INPP4B: variants seen among roughly 807,000 people sequenced by gnomAD.
INPP4B encodes inositol polyphosphate 4-phosphatase type II.
A neutral mutation model predicts 122.5 loss-of-function variants in INPP4B; 55 were observed. The observed-to-expected ratio is 0.45, with a 90% CI of 0.36 to 0.56. The LOEUF (loss-of-function observed/expected upper bound fraction) is 0.56. INPP4B is among the 20% of genes least tolerant of loss of function. INPP4B has a pLI of 0.00. For missense variants in INPP4B, 1,000 were observed against 1,097.7 expected (o/e 0.91, Z 1.26); for synonymous variants, 403 against 388.7 (o/e 1.04, Z -0.43).
At chr4:142,669,249 A>T (rs1756634169) in intron 2 of INPP4B, among the ~76,000 whole-genome samples, 1 of 152,174 alleles carries the variant, frequency 6.6e-6, no homozygotes, top group Admixed American at 6.6e-5. Flanking sequence ...TACCCAAAAG[A>T]TCTACAGATT....
At chr4:142,585,659 C>G (rs1736000902) in intron 2 of INPP4B, among the ~76,000 whole-genome samples, 1 of 152,054 alleles carries the variant, frequency 6.6e-6, no homozygotes, top group Non-Finnish European at 1.5e-5. Context: ...GGAAAAGTTC[C>G]AGAAAGCTGC....
intron 7 of INPP4B, among the ~76,000 whole-genome samples, chr4:142,317,801 A>G (rs1180455466): frequency 6.6e-6 from 1 of 152,206 alleles, no homozygotes; most frequent in Admixed American, 6.5e-5. Context: ...ACAAACAAAC[A>G]TAAACCAGAG....
chr4:142,345,584 G>A (rs1780040559), intron 7 of INPP4B, among the ~76,000 whole-genome samples: 1 of 151,952 alleles, frequency 6.6e-6, no homozygotes, highest in African/African-American at 2.4e-5. Flanking sequence ...CATACTTGGT[G>A]GGAAACCAAA....
intron 2 of INPP4B, among the ~76,000 whole-genome samples, chr4:142,710,167 C>T (rs971651340): frequency 1.7e-4 from 26 of 152,292 alleles, no homozygotes; most frequent in Middle Eastern, 3.4e-3. Flanking sequence ...AGTAGGGAAA[C>T]TTGCCCATAT....
chr4:142,558,794 A>G (rs1166795690), intron 2 of INPP4B, among the ~76,000 whole-genome samples: 1 of 2,842 alleles, frequency 3.5e-4, no homozygotes, highest in African/African-American at 1.2e-3. Context: ...GACTCCCTCT[A>G]AAAAAAAAAA....
intron 2 of INPP4B, among the ~76,000 whole-genome samples, chr4:142,670,549 A>C (rs1288852383): frequency 6.6e-6 from 1 of 152,192 alleles, no homozygotes; most frequent in Non-Finnish European, 1.5e-5. Context: ...GTCAGGCACA[A>C]AAAAAACTAA....
At chr4:142,601,065 C>A (rs1184120713) in intron 2 of INPP4B, among the ~76,000 whole-genome samples, 1 of 152,026 alleles carries the variant, frequency 6.6e-6, no homozygotes, top group Non-Finnish European at 1.5e-5. Flanking sequence ...CTTACCAGAT[C>A]TAGAGAGAGA....
At chr4:142,729,539 A>G (rs1765793117) in intron 1 of INPP4B, among the ~76,000 whole-genome samples, 1 of 152,124 alleles carries the variant, frequency 6.6e-6, no homozygotes, top group Admixed American at 6.5e-5. Context: ...AGGAAACAAG[A>G]GGTAAATGAA....
In INPP4B at chr4:142,842,752, T is replaced by C. The variant is rs965635444; in HGVS notation, c.-254+3457A>G. ...TATAATATTAATATAATATATAATA[T>C]ATCTATAATAATCCTAACATAATAT... is the stretch of plus-strand genomic sequence containing the variant. On this transcript the variant is annotated intron_variant, in intron 1 of 25. Transcript: ENST00000262992. Among the ~76,000 whole-genome samples the C allele has an allele frequency of 3.8e-5, 5 of 131,436 alleles. No individual in the cohort carries two copies. The Admixed American group carries it at 4.2e-4, about 11-fold the overall frequency. 86.2% of individuals were successfully genotyped at this position (131,436 alleles called of 152,430 possible).
chr4:142,259,598 A>G (rs1341844927), intron 11 of INPP4B, among the ~76,000 whole-genome samples: 1 of 151,186 alleles, frequency 6.6e-6, no homozygotes, highest in Non-Finnish European at 1.5e-5. Flanking sequence ...ATATAAAATA[A>G]TAATAATAAT....
chr4:142,412,148 T>C (rs527977474), intron 5 of INPP4B, among the ~76,000 whole-genome samples: 1 of 152,238 alleles, frequency 6.6e-6, no homozygotes, highest in African/African-American at 2.4e-5. Flanking sequence ...TAGGTTATGT[T>C]TCCAGTCCAA....
chr4:142,290,948 G>A (rs1442003457), intron 9 of INPP4B, among the ~76,000 whole-genome samples: 1 of 152,082 alleles, frequency 6.6e-6, no homozygotes, highest in Non-Finnish European at 1.5e-5. Context: ...CCAGGCACTA[G>A]TTCAATTTTT....
chr4:142,144,222 TACACACACACAC>T (rs35496129), intron 18 of INPP4B, among the ~76,000 whole-genome samples: 15,953 of 144,946 alleles, frequency 0.11, 925 homozygotes, highest in Middle Eastern at 0.15. Flanking sequence ...AAATACAAGA[TACACACACACAC>T]ACACACACAC....
intron 2 of INPP4B, chr4:142,583,325 T>C (rs1159771457): frequency 1.3e-5 from 2 of 152,150 alleles, no homozygotes; most frequent in African/African-American, 4.8e-5. Flanking sequence ...CTTTACCAAC[T>C]GCAGTTATTC....
At chr4:142,764,814 A>C (rs898429448) in intron 1 of INPP4B, among the ~76,000 whole-genome samples, 1 of 151,990 alleles carries the variant, frequency 6.6e-6, no homozygotes, top group Non-Finnish European at 1.5e-5. Context: ...CCTCAGATAC[A>C]CATGCTAGAA....
intron 1 of INPP4B, among the ~76,000 whole-genome samples, chr4:142,798,366 A>C (rs989426458): frequency 6.6e-6 from 1 of 151,886 alleles, no homozygotes; most frequent in African/African-American, 2.4e-5. Context: ...ATCTTAGCTC[A>C]TCATCTTTAG....
At chr4:142,285,476 G>T (rs1753192019) in intron 9 of INPP4B, among the ~76,000 whole-genome samples, 1 of 151,992 alleles carries the variant, frequency 6.6e-6, no homozygotes, top group Non-Finnish European at 1.5e-5. Flanking sequence ...ATCTCTAGGT[G>T]ACCTAAGGAT....
intron 2 of INPP4B, among the ~76,000 whole-genome samples, chr4:142,630,897 C>T (rs1373040): frequency 0.77 from 117,699 of 151,942 alleles, 46,306 homozygotes; most frequent in East Asian, 0.85. Context: ...TTACTGGGAC[C>T]GCAGCTTAGC....
chr4:142,270,005 A>G (rs1195195179), intron 10 of INPP4B, among the ~76,000 whole-genome samples: 1 of 152,208 alleles, frequency 6.6e-6, no homozygotes, highest in Non-Finnish European at 1.5e-5. Flanking sequence ...AAATAAATTT[A>G]GGCTAATATT....
Sources: gnomAD v4.1 joint callset for allele counts (sites outside exome capture counted in the v4.1 genomes callset) on GRCh38, gnomAD v4.1.1 for gene constraint, MANE v1.5 for transcripts, NCBI Gene and HGNC (gene_info 2026-07-23, HGNC 2026-07-21) for gene names.